CEP152: variants seen among roughly 807,000 people sequenced by gnomAD.
CEP152 encodes the protein centrosomal protein of 152 kDa.
In CEP152, 132 loss-of-function variants were observed where a neutral mutation model predicts 188.9. The ratio of observed to expected loss-of-function variants is 0.70; its 90% confidence interval spans 0.61 to 0.81. The LOEUF is 0.81. Among genes scored for constraint, CEP152 ranks in the 30% least tolerant of loss-of-function variants. CEP152 has a pLI of 0.00. For synonymous variants in CEP152, 649 were observed against 666.6 expected (o/e 0.97, Z 0.41); for missense variants, 1,914 against 1,969.8 (o/e 0.97, Z 0.54).
intron 24 of CEP152, 72 bp from the exon 25 acceptor site, chr15:48,742,172 C>G: frequency 7.4e-7 from 1 of 1,355,524 alleles, no homozygotes; most frequent in Non-Finnish European, 1.1e-6. Context: ...GAGGGGCAGA[C>G]TTCAGATCAA....
intron 26 of CEP152, chr15:48,741,113 G>T: frequency 2.0e-6 from 2 of 976,450 alleles, no homozygotes; most frequent in Non-Finnish European, 2.4e-6. Context: ...TGTAGCTTCT[G>T]GTCTATCCAC....
In CEP152 at chr15:48,738,362, G is replaced by A. The variant is rs746440217; in HGVS notation, c.5020C>T (p.Leu1674=). The stretch of plus-strand genomic sequence containing the variant: ...ACTGAAGATGGTAATGTACTGCTCA[G>A]TTTTTTGAAATCTGACTTTAATCTA... The part of the protein sequence containing the change: ...ADRLKSDFKK[L]SSTLPSSVCQ... Residue 1674 remains leucine (L), a synonymous_variant, in exon 27 of 27, where the codon CTG becomes TTG. Coordinates refer to ENST00000380950, the MANE Select transcript of CEP152 (RefSeq NM_001194998.2). The A allele has an allele frequency of 6.2e-7, 1 of 1,614,050 alleles. No homozygotes were observed. The highest frequency in any genetic ancestry group is 2.2e-5 in the East Asian group (1 of 44,896).
intron 6 of CEP152, among the ~76,000 whole-genome samples, chr15:48,794,902 T>A (rs988809068): frequency 1.3e-5 from 2 of 152,180 alleles, no homozygotes; most frequent in African/African-American, 4.8e-5. Flanking sequence ...GGCCTCCCCC[T>A]GTAACTACCC....
At chr15:48,735,661 G>T (rs978622885), downstream of CEP152, among the ~76,000 whole-genome samples, 2 of 152,276 alleles carry the variant, frequency 1.3e-5, no homozygotes, top group East Asian at 3.9e-4. Context: ...CTTGAACCCG[G>T]GAGACGGAGG....
chr15:48,746,690 G>A lies in CEP152; in HGVS notation c.3635-1698C>T, dbSNP rs944243701. ...TTTCCCGAGTTGTGCTATGGTGCCA[G>A]GTGTGCTAAGTGCTGGAACAGGACT... On this transcript the variant is annotated intron_variant, in intron 22 of 26. Transcript: ENST00000380950. Among the ~76,000 whole-genome samples the A allele has an allele frequency of 3.9e-5, 6 of 152,220 alleles. 1 individual carries two copies. The South Asian group carries it at 1.2e-3, about 32-fold the overall frequency.
At chr15:48,765,803 A>G (rs1438685513) in intron 17 of CEP152, 1 of 314,476 alleles carries the variant, frequency 3.2e-6, no homozygotes. Context: ...ACAGGCGCGC[A>G]CAACCATGCC....
At chr15:48,752,197 A>G in intron 21 of CEP152, 152 bp downstream of exon 21, 1 of 1,339,240 alleles carries the variant, frequency 7.5e-7, no homozygotes, top group Non-Finnish European at 1.0e-6. Context: ...CCTCTTATCT[A>G]AATACAAAAT....
intron 19 of CEP152, among the ~76,000 whole-genome samples, chr15:48,758,820 C>T (rs1384635483): frequency 6.6e-6 from 1 of 151,524 alleles, no homozygotes; most frequent in East Asian, 1.9e-4. Context: ...TTAACAAACC[C>T]TGCAAGTGAT....
At chr15:48,791,181 T>C in intron 8 of CEP152, 56 bp downstream of exon 8, 2 of 1,516,502 alleles carry the variant, frequency 1.3e-6, no homozygotes, top group Non-Finnish European at 1.8e-6. Flanking sequence ...TACAAAAAGT[T>C]TTGTTAAATA....
intron 17 of CEP152, among the ~76,000 whole-genome samples, chr15:48,763,361 A>T (rs1442520911): frequency 6.6e-6 from 1 of 152,208 alleles, no homozygotes; most frequent in Non-Finnish European, 1.5e-5. Flanking sequence ...AGCAATTAAT[A>T]GCCATTTTGT....
intron 20 of CEP152, 95 bp from the exon 21 acceptor site, chr15:48,752,564 C>T (rs1165861532): frequency 2.0e-6 from 3 of 1,514,380 alleles, no homozygotes; most frequent in East Asian, 2.5e-5. Context: ...AGAGAAAACA[C>T]TACCTGAAAA....
At chr15:48,758,492 C>T (rs1460847597) in intron 19 of CEP152, among the ~76,000 whole-genome samples, 2 of 151,882 alleles carry the variant, frequency 1.3e-5, no homozygotes, top group African/African-American at 4.8e-5. Flanking sequence ...CCGAGGTGGG[C>T]AAGATCATCT....
chr15:48,787,179 T>TTTTTTTTTTTTTTTG (rs1896710974), intron 9 of CEP152, among the ~76,000 whole-genome samples: 1 of 147,210 alleles, frequency 6.8e-6, no homozygotes, highest in Non-Finnish European at 1.5e-5. Flanking sequence ...TTTTTTTTTT[T>TTTTTTTTTTTTTTTG]TTTCTGGAAA....
chr15:48,793,755 A>G (rs1182230883), intron 6 of CEP152, among the ~76,000 whole-genome samples: 1 of 152,244 alleles, frequency 6.6e-6, no homozygotes, highest in African/African-American at 2.4e-5. Flanking sequence ...TGGGTCACTG[A>G]TAGGAAAGTT....
At position 48,776,716 on chromosome 15, in the gene CEP152, A is replaced by G. The variant is rs534012074; in HGVS notation, c.1578-4025T>C. 2.6e-5 allele frequency among the ~76,000 whole-genome samples: 4 copies of G among 152,288 alleles called. No individual in the cohort carries two copies. The South Asian group carries it at 8.3e-4, about 32-fold the overall frequency. ...GAATATACTAGTAAAATGACATTAT[A>G]AAGAAATATTATCAATATTATTTTA... On this transcript the variant is annotated intron_variant, in intron 12 of 26. Transcript: ENST00000380950.
downstream of CEP152, among the ~76,000 whole-genome samples, chr15:48,734,781 AG>A (rs1295545246): frequency 6.6e-6 from 1 of 152,186 alleles, no homozygotes; most frequent in Non-Finnish European, 1.5e-5. Context: ...AGATACAAAG[AG>A]GGATATTTTA....
Position 48,797,629 on chromosome 15 carries a change from TCACCAAAGTCATCATCA to T in CEP152, c.261+15_261+31del. The T allele has an allele frequency of 6.2e-7, 1 of 1,614,032 alleles. No homozygotes were observed. The highest frequency in any genetic ancestry group is 8.5e-7 in the Non-Finnish European group (1 of 1,179,906). The stretch of plus-strand genomic sequence containing the variant: ...AAAGCACGAAGATCCAGTCCCACCC[TCACCAAAGTCATCATCA>T]CACCAGATACTTACATTTACACTTT... On this transcript the variant is annotated intron_variant, in intron 4 of 26. Transcript: ENST00000380950.
chr15:48,737,060 A>T (rs977040004), downstream of CEP152, among the ~76,000 whole-genome samples: 5 of 152,254 alleles, frequency 3.3e-5, no homozygotes, highest in Non-Finnish European at 7.3e-5. Flanking sequence ...ACTGAAGTCC[A>T]GGACCAATTT....
intron 7 of CEP152, among the ~76,000 whole-genome samples, chr15:48,793,085 G>C (rs931446362): frequency 6.6e-6 from 1 of 152,132 alleles, no homozygotes; most frequent in African/African-American, 2.4e-5. Flanking sequence ...GCCTCCCAAA[G>C]TGCTGGGATT....
Sources: allele counts gnomAD v4.1 joint callset (sites outside exome capture counted in the v4.1 genomes callset), GRCh38; gene constraint gnomAD v4.1.1; transcripts MANE v1.5; gene names NCBI Gene and HGNC (gene_info 2026-07-23, HGNC 2026-07-21).